The following FREM1 variants were observed in gnomAD, a reference collection of about 807,000 sequenced individuals.
FREM1 encodes the protein FRAS1-related extracellular matrix protein 1.
Under a neutral mutation model 210.1 loss-of-function variants are expected in FREM1, and 220 were observed. That is an observed-to-expected ratio of 1.05 (90% CI 0.94 to 1.17). The LOEUF (loss-of-function observed/expected upper bound fraction) is 1.17. Ranked by LOEUF, FREM1 falls within the 50% of genes most tolerant of loss-of-function variation. The pLI, the probability that FREM1 is intolerant of heterozygous loss-of-function variation, is 0.00. For missense variants in FREM1, 3,454 were observed against 2,675.5 expected (o/e 1.29, Z -6.42); for synonymous variants, 1,189 against 980.2 (o/e 1.21, Z -3.98).
rs544633447 is a variant in FREM1, at chr9:14,875,494, C to T, written c.-267-6250G>A. ...GCTCCTGAGGCTTCTGCATTCTTCACGTAGTTCTCGAGCCTTGGCTTTCAG... is the reference window on the plus strand; with the variant it reads ...GCTCCTGAGGCTTCTGCATTCTTCATGTAGTTCTCGAGCCTTGGCTTTCAG... On this transcript the variant is annotated intron_variant, in intron 1 of 36. Transcript: ENST00000380880. Among the ~76,000 whole-genome samples, 107 of 152,320 alleles carry T rather than the reference C, an allele frequency of 7.0e-4. 1 individual carries two copies. In the South Asian group the frequency reaches 0.013, roughly 19 times the overall value.
In FREM1 at chr9:14,861,663, C is replaced by G. The variant is rs141052427; in HGVS notation, c.329+2146G>C. Among the ~76,000 whole-genome samples, 838 of 151,942 alleles carry G rather than the reference C, an allele frequency of 5.5e-3. 6 individuals carry two copies. Among genetic ancestry groups the G allele is most frequent in the African/African-American group, 0.019 (787 of 41,414 alleles). On this transcript the variant is annotated intron_variant, in intron 3 of 36. Coordinates refer to ENST00000380880, the MANE Select transcript of FREM1 (RefSeq NM_001379081.2). ...CTGGGACTACAGGTGCCTGCCACCA[C>G]TCCCAGCTAATTTTTGTATTTTTAG... is the stretch of plus-strand genomic sequence containing the variant.
intron 14 of FREM1, 137 bp downstream of exon 14, chr9:14,819,097 T>C (rs1051191732): frequency 3.8e-6 from 2 of 523,088 alleles, no homozygotes; most frequent in African/African-American, 3.8e-5. Context: ...AATTTTCAAC[T>C]GACCCGTTGA....
intron 1 of FREM1, among the ~76,000 whole-genome samples, chr9:14,883,156 T>C (rs1326268568): frequency 1.3e-5 from 2 of 152,088 alleles, no homozygotes; most frequent in African/African-American, 4.8e-5. Context: ...ATAGAGTCTG[T>C]TTTATTTACA....
chr9:14,809,763 G>A (rs1234381253), intron 16 of FREM1, among the ~76,000 whole-genome samples: 1 of 152,098 alleles, frequency 6.6e-6, no homozygotes, highest in African/African-American at 2.4e-5. Context: ...CACACATTTT[G>A]GAACTTTCAA....
At chr9:14,805,402 T>G (rs1818181194) in intron 18 of FREM1, among the ~76,000 whole-genome samples, 1 of 152,238 alleles carries the variant, frequency 6.6e-6, no homozygotes, top group Non-Finnish European at 1.5e-5. Context: ...TTAACCAGTA[T>G]GCACAGGGAC....
At chr9:14,856,912 G>C (rs1329383687) in intron 5 of FREM1, among the ~76,000 whole-genome samples, 1 of 151,342 alleles carries the variant, frequency 6.6e-6, no homozygotes, top group African/African-American at 2.4e-5. Flanking sequence ...ACAAATTATA[G>C]AGTTCATGAA....
chr9:14,814,121 G>A (rs1158654420), intron 15 of FREM1, among the ~76,000 whole-genome samples: 2 of 152,092 alleles, frequency 1.3e-5, no homozygotes, highest in Non-Finnish European at 2.9e-5. Context: ...TCTTTGCTTG[G>A]TTAACTCCTC....
At chr9:14,787,656 T>C (rs949217780) in intron 23 of FREM1, among the ~76,000 whole-genome samples, 1 of 152,146 alleles carries the variant, frequency 6.6e-6, no homozygotes, top group Non-Finnish European at 1.5e-5. Flanking sequence ...TAAGGGAATG[T>C]CTAGATATAA....
At chr9:14,887,947 G>A (rs529012591) in intron 1 of FREM1, among the ~76,000 whole-genome samples, 11 of 152,156 alleles carry the variant, frequency 7.2e-5, no homozygotes, top group East Asian at 1.9e-4. Context: ...ACAGGTGCTC[G>A]CCACCATGCC....
intron 1 of FREM1, among the ~76,000 whole-genome samples, chr9:14,894,527 T>C (rs1588635940): frequency 6.6e-6 from 1 of 152,236 alleles, no homozygotes; most frequent in African/African-American, 2.4e-5. Flanking sequence ...AGGACTCTCA[T>C]GGAAAGCTGA....
chr9:14,868,653 A>G (rs1831992601), intron 2 of FREM1, 91 bp downstream of exon 2: 1 of 810,274 alleles, frequency 1.2e-6, no homozygotes, highest in African/African-American at 1.7e-5. Flanking sequence ...TTGAGGGGAG[A>G]CATTTTACAT....
chr9:14,787,678 A>G (rs1850628874), intron 23 of FREM1, among the ~76,000 whole-genome samples: 2 of 152,186 alleles, frequency 1.3e-5, no homozygotes, highest in African/African-American at 4.8e-5. Context: ...GAGTCCCTAG[A>G]TGACTATGTG....
intron 36 of FREM1, among the ~76,000 whole-genome samples, chr9:14,739,749 G>A (rs566887584): frequency 1.3e-5 from 2 of 151,398 alleles, no homozygotes; most frequent in South Asian, 4.2e-4. Flanking sequence ...ATTAATAAAC[G>A]TAAGGCAATT....
intron 1 of FREM1, among the ~76,000 whole-genome samples, chr9:14,882,848 G>C (rs1429267974): frequency 7.5e-6 from 1 of 133,630 alleles, no homozygotes; most frequent in Non-Finnish European, 1.5e-5. Flanking sequence ...GGGAGGCAGA[G>C]GTTGCAATGA....
In FREM1 at chr9:14,770,741, G is replaced by A. The variant is rs886063767; in HGVS notation, c.4923C>T (p.Leu1641=). 8 of 1,613,510 alleles carry A rather than the reference G, an allele frequency of 5.0e-6. No individual in the cohort carries two copies. The highest frequency in any genetic ancestry group is 6.8e-6 in the Non-Finnish European group (8 of 1,179,638). The change falls in exon 26 of 37, where the codon CTC becomes CTT. Residue 1641 remains leucine, a synonymous_variant. Transcript: ENST00000380880. ...AAATCCCGTAGCAGCCATTTTTCAG[G>A]AGCCCCACTTGAGAAGGGGAATGCA... ...TLLHSPSQVG[L]LKNGCYGIYI...
chr9:14,875,556 TA>T (rs1833550763), intron 1 of FREM1, among the ~76,000 whole-genome samples: 1 of 152,238 alleles, frequency 6.6e-6, no homozygotes, highest in Non-Finnish European at 1.5e-5. Flanking sequence ...CTGTATTGGT[TA>T]TTCTAGTTAC....
chr9:14,844,995 A>G lies in FREM1; in HGVS notation c.1393+965T>C, dbSNP rs543375561. ...GCCTCCCACTGTCCTGAGATTAAGC[A>G]GGAGGATTTATCATACATTTATTAT... On this transcript the variant is annotated intron_variant, in intron 8 of 36. Transcript: ENST00000380880. 9.8e-5 allele frequency among the ~76,000 whole-genome samples: 15 copies of G among 152,354 alleles called. 1 individual carries two copies. The South Asian group carries it at 2.5e-3, about 25-fold the overall frequency.
intron 21 of FREM1, among the ~76,000 whole-genome samples, chr9:14,793,821 A>G (rs1214591058): frequency 1.3e-5 from 2 of 152,202 alleles, no homozygotes; most frequent in Non-Finnish European, 2.9e-5. Flanking sequence ...TGAACACCTC[A>G]GTTCCAACAA....
chr9:14,841,588 G>C lies in FREM1; in HGVS notation c.1740C>G (p.Gly580=), dbSNP rs752255974. ...IMKKPGPGLI[G]YPVHGFLQRD... is the part of the protein sequence containing the mutation. ...TCTGAAGGAAGCCATGGACAGGATA[G>C]CCTATTGGGTCCATAAAACACCACA... Residue 580 remains glycine (G), a splice_region_variant and synonymous_variant, in exon 10 of 37, where the codon GGC becomes GGG. Coordinates refer to ENST00000380880, the MANE Select transcript of FREM1 (RefSeq NM_001379081.2). 13 of 1,587,558 alleles carry C rather than the reference G, an allele frequency of 8.2e-6. No homozygotes were observed. Among genetic ancestry groups the C allele is most frequent in the Admixed American group, 1.7e-5 (1 of 58,464 alleles).
Sources: allele counts gnomAD v4.1 joint callset (sites outside exome capture counted in the v4.1 genomes callset), GRCh38; gene constraint gnomAD v4.1.1; transcripts MANE v1.5; gene names NCBI Gene and HGNC (gene_info 2026-07-23, HGNC 2026-07-21).